The following SPATA18 variants were observed in gnomAD, a reference collection of about 807,000 sequenced individuals.
The protein encoded by SPATA18 is mitochondria-eating protein.
SPATA18 carries 54 observed loss-of-function variants against 68.1 expected under a neutral mutation model. The observed-to-expected ratio is 0.79, with a 90% CI of 0.64 to 0.99. The LOEUF is 0.99. Among genes scored for constraint, SPATA18 ranks in the 50% least tolerant of loss-of-function variants. SPATA18 has a pLI of 0.00. For missense variants in SPATA18, 724 were observed against 681.1 expected (o/e 1.06, Z -0.70); for synonymous variants, 242 against 244.8 (o/e 0.99, Z 0.11).
At chr4:52,075,896 C>T (rs763217197) in intron 6 of SPATA18, among the ~76,000 whole-genome samples, 22 of 152,068 alleles carry the variant, frequency 1.4e-4, no homozygotes, top group Non-Finnish European at 2.2e-4. Flanking sequence ...TAGTTAATAC[C>T]ACAAATATAT....
chr4:52,091,047 A>C (rs980488288), intron 11 of SPATA18, among the ~76,000 whole-genome samples: 7 of 151,722 alleles, frequency 4.6e-5, no homozygotes, highest in Non-Finnish European at 7.4e-5. Context: ...GTTAATCTTC[A>C]ATCACTGATA....
rs1742437674 is a variant in SPATA18 at position 52,096,526 on chromosome 4, C to A, written c.*1639C>A. The A allele has an allele frequency of 6.6e-6, 1 of 151,826 alleles. No individual in the cohort carries two copies. The highest frequency in any genetic ancestry group is 2.1e-4 in the South Asian group (1 of 4,810). The allele number at this position is 151,826 out of a possible 1,614,324, so 9.4% of individuals were successfully genotyped here. ...TTAAGCAGTGAACATAGTACCCTAA[C>A]TATAATATAAAGCAGAAAAAAAGGC... On this transcript the variant is annotated 3_prime_UTR_variant, in exon 13 of 13. Transcript: ENST00000295213.
At chr4:52,051,890 CA>C in intron 1 of SPATA18, 99 bp downstream of exon 1, 4 of 1,117,002 alleles carry the variant, frequency 3.6e-6, no homozygotes, top group Middle Eastern at 2.0e-4. Context: ...GGCCACTTTG[CA>C]AAGCCTCCGC....
chr4:52,081,010 G>A (rs967369433), intron 9 of SPATA18, among the ~76,000 whole-genome samples: 1 of 152,180 alleles, frequency 6.6e-6, no homozygotes, highest in Non-Finnish European at 1.5e-5. Context: ...CCATTGTCTT[G>A]CTTCTAGTTT....
intron 11 of SPATA18, among the ~76,000 whole-genome samples, chr4:52,090,433 C>T (rs1412669562): frequency 1.3e-5 from 2 of 152,028 alleles, no homozygotes; most frequent in African/African-American, 4.8e-5. Context: ...TTTTCCTTTT[C>T]ATGTTTAGTG....
At chr4:52,076,674 G>T in intron 6 of SPATA18, 105 bp from the exon 7 acceptor site, 1 of 1,449,828 alleles carries the variant, frequency 6.9e-7, no homozygotes, top group Admixed American at 1.9e-5. Context: ...CTCAGATAAG[G>T]AGTTTTGCCT....
intron 7 of SPATA18, among the ~76,000 whole-genome samples, chr4:52,077,372 CCTT>C (rs549784086): frequency 1.4e-5 from 2 of 147,118 alleles, no homozygotes; most frequent in South Asian, 4.5e-4. Flanking sequence ...ATCTCTTCCT[CCTT>C]CTTTCCTTCC....
chr4:52,093,705 C>G (rs1249786407), intron 11 of SPATA18, among the ~76,000 whole-genome samples: 1 of 152,170 alleles, frequency 6.6e-6, no homozygotes, highest in Non-Finnish European at 1.5e-5. Flanking sequence ...ACTCCGGACT[C>G]CCATCAAAAG....
At chr4:52,071,852 T>C (rs1739871913) in intron 5 of SPATA18, 65 bp from the exon 6 acceptor site, 4 of 1,525,668 alleles carry the variant, frequency 2.6e-6, no homozygotes, top group Non-Finnish European at 1.8e-6. Context: ...TTACCTTTCC[T>C]TCCTTCCTTC....
At chr4:52,092,831 C>A (rs1042655680) in intron 11 of SPATA18, among the ~76,000 whole-genome samples, 1 of 152,114 alleles carries the variant, frequency 6.6e-6, no homozygotes, top group Non-Finnish European at 1.5e-5. Context: ...GATCACGAGA[C>A]CATGTCCTTT....
Position 52,063,906 on chromosome 4 carries a change from T to C in SPATA18, c.422+1574T>C, listed in dbSNP as rs546579880. 2.0e-5 allele frequency among the ~76,000 whole-genome samples: 3 copies of C among 152,214 alleles called. No individual in the cohort carries two copies. The East Asian group carries it at 5.8e-4, about 29-fold the overall frequency. On this transcript the variant is annotated intron_variant, in intron 4 of 12. Transcript: ENST00000295213. ...CAGATGACCCTCCATTTTCCTCTAG[T>C]TGTGAGGAAGGGCATCAAAACTTTA...
chr4:52,060,688 AGG>A, intron 2 of SPATA18, 92 bp from the exon 3 acceptor site: 1 of 1,193,542 alleles, frequency 8.4e-7, no homozygotes, highest in East Asian at 2.3e-5. Context: ...TTTAAGTTTT[AGG>A]GTACATGTAC....
intron 10 of SPATA18, 80 bp from the exon 11 acceptor site, chr4:52,084,836 G>A: frequency 7.6e-7 from 1 of 1,321,252 alleles, no homozygotes; most frequent in Non-Finnish European, 1.1e-6. Context: ...CTTATTCTGT[G>A]GGATATGCAT....
intron 5 of SPATA18, among the ~76,000 whole-genome samples, chr4:52,071,449 T>A (rs1739834083): frequency 6.6e-6 from 1 of 152,220 alleles, no homozygotes; most frequent in Admixed American, 6.5e-5. Context: ...GTTCAGAGAA[T>A]CAAAGATTCT....
At chr4:52,055,899 A>G (rs1270829269) in intron 1 of SPATA18, among the ~76,000 whole-genome samples, 1 of 152,150 alleles carries the variant, frequency 6.6e-6, no homozygotes, top group Admixed American at 6.5e-5. Flanking sequence ...GGCAGGAGAC[A>G]TTGTGTCCCT....
chr4:52,093,031 A>G (rs1444397095), intron 11 of SPATA18, among the ~76,000 whole-genome samples: 1 of 152,190 alleles, frequency 6.6e-6, no homozygotes. Context: ...GGGAAAAATA[A>G]CTAATTGGTA....
At chr4:52,052,016 C>A (rs940514706) in intron 1 of SPATA18, among the ~76,000 whole-genome samples, 1 of 152,188 alleles carries the variant, frequency 6.6e-6, no homozygotes, top group African/African-American at 2.4e-5. Flanking sequence ...AGGCGGCCTG[C>A]GGAGCGCAGC....
chr4:52,068,379 G>A (rs1471201675), intron 4 of SPATA18, among the ~76,000 whole-genome samples: 1 of 152,066 alleles, frequency 6.6e-6, no homozygotes, highest in Non-Finnish European at 1.5e-5. Context: ...TAGGTACTGG[G>A]GATAGAGATG....
intron 11 of SPATA18, among the ~76,000 whole-genome samples, chr4:52,093,017 G>A (rs1742120153): frequency 6.6e-6 from 1 of 152,100 alleles, no homozygotes; most frequent in Admixed American, 6.5e-5. Flanking sequence ...GGAGGGAGAG[G>A]ATCGGGAAAA....
Sources: gnomAD v4.1 joint callset for allele counts (sites outside exome capture counted in the v4.1 genomes callset) on GRCh38, gnomAD v4.1.1 for gene constraint, MANE v1.5 for transcripts, NCBI Gene and HGNC (gene_info 2026-07-23, HGNC 2026-07-21) for gene names.